AUTS2: variants seen among roughly 807,000 people sequenced by gnomAD.
AUTS2 encodes the protein activator of transcription and developmental regulator AUTS2.
In AUTS2, 17 loss-of-function variants were observed where a neutral mutation model predicts 112.4. The observed-to-expected ratio is 0.15, with a 90% CI of 0.10 to 0.23. The LOEUF (loss-of-function observed/expected upper bound fraction) is 0.23, where lower values mean the gene tolerates loss of function less well. AUTS2 is among the 10% of genes least tolerant of loss of function. The pLI is 1.00. For synonymous variants in AUTS2, 751 were observed against 702.7 expected (o/e 1.07, Z -1.09); for missense variants, 1,510 against 1,701.6 (o/e 0.89, Z 1.98).
chr7:69,749,237 C>A (rs1787635400), intron 1 of AUTS2, among the ~76,000 whole-genome samples: 1 of 152,104 alleles, frequency 6.6e-6, no homozygotes, highest in African/African-American at 2.4e-5. Flanking sequence ...CACCGCCCCC[C>A]ACAACATCTT....
At chr7:69,992,764 A>G (rs894959712) in intron 2 of AUTS2, among the ~76,000 whole-genome samples, 6 of 152,182 alleles carry the variant, frequency 3.9e-5, no homozygotes, top group African/African-American at 1.4e-4. Flanking sequence ...GTGCGCCTGT[A>G]GTCCCAGCTA....
At chr7:70,050,256 C>CTGAG (rs1801687128) in intron 2 of AUTS2, among the ~76,000 whole-genome samples, 1 of 143,092 alleles carries the variant, frequency 7.0e-6, no homozygotes, top group Admixed American at 7.5e-5. Flanking sequence ...ACTCAGGAGG[C>CTGAG]TGAGGCAGGA....
intron 4 of AUTS2, among the ~76,000 whole-genome samples, chr7:70,178,180 A>G (rs970017279): frequency 1.3e-5 from 2 of 152,196 alleles, no homozygotes; most frequent in Non-Finnish European, 2.9e-5. Flanking sequence ...GACCCCTAAC[A>G]TGATGTCCTT....
At chr7:69,712,835 T>C (rs553652069) in intron 1 of AUTS2, among the ~76,000 whole-genome samples, 2 of 152,310 alleles carry the variant, frequency 1.3e-5, no homozygotes, top group South Asian at 4.1e-4. Flanking sequence ...ACATTCCCAC[T>C]AGCAGTGTAT....
chr7:70,405,380 G>A (rs1025894685), intron 4 of AUTS2, among the ~76,000 whole-genome samples: 15 of 152,278 alleles, frequency 9.9e-5, no homozygotes, highest in Admixed American at 9.2e-4. Context: ...CATGGCGTTC[G>A]TACGTGGAAG....
intron 2 of AUTS2, among the ~76,000 whole-genome samples, chr7:69,969,752 C>CA (rs1438053408): frequency 6.6e-6 from 1 of 151,848 alleles, no homozygotes; most frequent in Non-Finnish European, 1.5e-5. Flanking sequence ...TTTAAAAGGA[C>CA]AAAAAAAGAA....
intron 4 of AUTS2, among the ~76,000 whole-genome samples, chr7:70,161,900 G>T (rs1808095537): frequency 6.6e-6 from 1 of 152,076 alleles, no homozygotes; most frequent in South Asian, 2.1e-4. Flanking sequence ...GAAAAATACT[G>T]TTGGAGTTAT....
chr7:70,444,343 CGTGTGTGT>C (rs370735846), intron 5 of AUTS2, among the ~76,000 whole-genome samples: 106 of 138,762 alleles, frequency 7.6e-4, no homozygotes, highest in Non-Finnish European at 1.2e-3. Context: ...TGGTCATGTA[CGTGTGTGT>C]GTGTGTGTGT....
At chr7:70,724,443 C>T (rs1248478935) in intron 6 of AUTS2, among the ~76,000 whole-genome samples, 76 of 101,332 alleles carry the variant, frequency 7.5e-4, no homozygotes, top group South Asian at 1.6e-3. Context: ...TTCATCCTGA[C>T]TTTTTTTTTT....
intron 2 of AUTS2, among the ~76,000 whole-genome samples, chr7:69,990,438 A>G (rs982253737): frequency 6.6e-6 from 1 of 152,278 alleles, no homozygotes; most frequent in East Asian, 1.9e-4. Context: ...TTTATATTGT[A>G]TCAGGTGAGG....
chr7:70,558,271 G>A (rs1170266650), intron 5 of AUTS2, among the ~76,000 whole-genome samples: 2 of 152,144 alleles, frequency 1.3e-5, no homozygotes, highest in Non-Finnish European at 2.9e-5. Flanking sequence ...GTAAAATTTA[G>A]GAACAAATCG....
At chr7:70,447,387 T>G (rs1796359753) in intron 5 of AUTS2, among the ~76,000 whole-genome samples, 1 of 152,248 alleles carries the variant, frequency 6.6e-6, no homozygotes. Flanking sequence ...TCTATATGGT[T>G]TCTAGTGTTC....
At chr7:70,302,125 A>G (rs907030636) in intron 4 of AUTS2, among the ~76,000 whole-genome samples, 2 of 152,166 alleles carry the variant, frequency 1.3e-5, no homozygotes, top group African/African-American at 4.8e-5. Context: ...AGAAATTGCA[A>G]TTAGGCCATG....
At chr7:70,191,881 T>C (rs1809914741) in intron 4 of AUTS2, among the ~76,000 whole-genome samples, 1 of 150,674 alleles carries the variant, frequency 6.6e-6, no homozygotes, top group Non-Finnish European at 1.5e-5. Context: ...GCTAACATGG[T>C]AAAATCCTGT....
intron 2 of AUTS2, among the ~76,000 whole-genome samples, chr7:69,996,632 C>T (rs1798952860): frequency 6.6e-6 from 1 of 152,122 alleles, no homozygotes; most frequent in South Asian, 2.1e-4. Flanking sequence ...TCTCGCCCAC[C>T]CGCTTCCCTT....
intron 18 of AUTS2, among the ~76,000 whole-genome samples, chr7:70,788,773 C>T (rs1791682786): frequency 6.6e-6 from 1 of 152,234 alleles, no homozygotes; most frequent in Non-Finnish European, 1.5e-5. Flanking sequence ...CTCTGTGGTC[C>T]TCTGATCCTT....
At chr7:70,604,565 C>A (rs1803633306) in intron 5 of AUTS2, among the ~76,000 whole-genome samples, 1 of 152,230 alleles carries the variant, frequency 6.6e-6, no homozygotes, top group African/African-American at 2.4e-5. Flanking sequence ...ACACTTGCCC[C>A]TAGGCCCTAC....
At chr7:70,439,056 C>T (rs1376563481) in intron 5 of AUTS2, among the ~76,000 whole-genome samples, 1 of 152,172 alleles carries the variant, frequency 6.6e-6, no homozygotes, top group East Asian at 1.9e-4. Flanking sequence ...AAATGATACC[C>T]TTACTAATTA....
chr7:69,778,909 G>T (rs979994132), intron 1 of AUTS2, among the ~76,000 whole-genome samples: 2 of 151,994 alleles, frequency 1.3e-5, no homozygotes, highest in Admixed American at 1.3e-4. Flanking sequence ...GTTTGGGGTG[G>T]GGTGTGGTTG....
Sources: gnomAD v4.1 joint callset for allele counts (sites outside exome capture counted in the v4.1 genomes callset) on GRCh38, gnomAD v4.1.1 for gene constraint, MANE v1.5 for transcripts, NCBI Gene and HGNC (gene_info 2026-07-23, HGNC 2026-07-21) for gene names.